CNTNAP5: variants seen among roughly 807,000 people sequenced by gnomAD.
The protein encoded by CNTNAP5 is contactin-associated protein-like 5.
In CNTNAP5, 72 loss-of-function variants were observed where a neutral mutation model predicts 150.2. The ratio of observed to expected loss-of-function variants is 0.48; its 90% CI spans 0.40 to 0.58. CNTNAP5 has a LOEUF of 0.58. Among genes scored for constraint, CNTNAP5 ranks in the 20% least tolerant of loss-of-function variants. The pLI, the probability that CNTNAP5 is intolerant of heterozygous loss-of-function variation, is 0.00. For missense variants in CNTNAP5, 1,636 were observed against 1,626.2 expected (o/e 1.01, Z -0.10); for synonymous variants, 672 against 619.8 (o/e 1.08, Z -1.25).
intron 10 of CNTNAP5, among the ~76,000 whole-genome samples, chr2:124,540,901 A>G (rs188338963): frequency 6.6e-6 from 1 of 152,152 alleles, no homozygotes; most frequent in Non-Finnish European, 1.5e-5. Context: ...ACATAAATAG[A>G]GCACCAGGAG....
chr2:124,833,068 C>G (rs1430763474), intron 19 of CNTNAP5, among the ~76,000 whole-genome samples: 1 of 151,846 alleles, frequency 6.6e-6, no homozygotes, highest in Non-Finnish European at 1.5e-5. Context: ...CACCACCACT[C>G]CCAGCTAATT....
At chr2:124,206,709 T>C (rs576484465) in intron 1 of CNTNAP5, among the ~76,000 whole-genome samples, 2 of 152,314 alleles carry the variant, frequency 1.3e-5, no homozygotes, top group East Asian at 1.9e-4. Flanking sequence ...AATTATAATC[T>C]ACATTTTTGT....
Position 124,920,287 on chromosome 2 carries a change from A to G in CNTNAP5, c.*5999A>G, listed in dbSNP as rs1002473880. Among the ~76,000 whole-genome samples, 1 of 152,134 alleles carries G rather than the reference A, an allele frequency of 6.6e-6. No individual in the cohort carries two copies. Among genetic ancestry groups the G allele is most frequent in the African/African-American group, 2.4e-5 (1 of 41,446 alleles). On this transcript the variant is annotated 3_prime_UTR_variant, in exon 24 of 24. Coordinates refer to ENST00000682447, the MANE Select transcript of CNTNAP5 (RefSeq NM_001367498.1). The stretch of plus-strand genomic sequence containing the variant: ...ACAAAGTGCTGGATATGAAACAGGA[A>G]TAATGCATTCCTCTACAGACTCTTT...
intron 2 of CNTNAP5, among the ~76,000 whole-genome samples, chr2:124,235,731 C>T (rs926863154): frequency 6.6e-6 from 1 of 152,142 alleles, no homozygotes; most frequent in Admixed American, 6.5e-5. Flanking sequence ...GAATCACTCT[C>T]CCTAGACATT....
chr2:124,035,482 G>A (rs947977995), intron 1 of CNTNAP5, among the ~76,000 whole-genome samples: 1 of 151,370 alleles, frequency 6.6e-6, no homozygotes, highest in African/African-American at 2.4e-5. Flanking sequence ...TTTACTAAAT[G>A]TCTTGTTTTT....
intron 12 of CNTNAP5, among the ~76,000 whole-genome samples, chr2:124,628,907 A>G (rs1425932957): frequency 6.6e-6 from 1 of 152,200 alleles, no homozygotes; most frequent in Non-Finnish European, 1.5e-5. Flanking sequence ...AAGCAGGAGT[A>G]GCAATCCTAG....
intron 1 of CNTNAP5, among the ~76,000 whole-genome samples, chr2:124,201,818 A>G (rs17319771): frequency 0.076 from 11,595 of 152,312 alleles, 613 homozygotes; most frequent in Non-Finnish European, 0.12. Context: ...TCAAAAGTCT[A>G]TGATACAAGC....
chr2:124,711,484 T>C (rs901475179), intron 13 of CNTNAP5, among the ~76,000 whole-genome samples: 4 of 152,070 alleles, frequency 2.6e-5, no homozygotes, highest in African/African-American at 9.7e-5. Flanking sequence ...CTTCTTATTT[T>C]GTACTAAATG....
chr2:124,098,167 T>C (rs934840428), intron 1 of CNTNAP5, among the ~76,000 whole-genome samples: 10 of 152,258 alleles, frequency 6.6e-5, no homozygotes, highest in Non-Finnish European at 4.4e-5. Flanking sequence ...TTGTGTTATA[T>C]GTATTATTTG....
intron 13 of CNTNAP5, among the ~76,000 whole-genome samples, chr2:124,696,708 T>C (rs1679412989): frequency 6.6e-6 from 1 of 152,188 alleles, no homozygotes; most frequent in African/African-American, 2.4e-5. Context: ...TTGAAGCATC[T>C]AAGGTGAGCG....
intron 7 of CNTNAP5, among the ~76,000 whole-genome samples, chr2:124,503,489 C>G (rs4848242): frequency 0.21 from 31,197 of 152,156 alleles, 3,553 homozygotes; most frequent in East Asian, 0.33. Context: ...AATCTTCTTA[C>G]TCTTCTTTTG....
At chr2:124,423,514 T>C (rs1007797233) in intron 4 of CNTNAP5, among the ~76,000 whole-genome samples, 4 of 152,070 alleles carry the variant, frequency 2.6e-5, no homozygotes, top group African/African-American at 9.7e-5. Context: ...TTAACTTTAT[T>C]TATTTATTTA....
chr2:124,272,973 C>T (rs1687797715), intron 3 of CNTNAP5, among the ~76,000 whole-genome samples: 1 of 152,140 alleles, frequency 6.6e-6, no homozygotes, highest in Non-Finnish European at 1.5e-5. Context: ...CTGCTTAGTT[C>T]TTGACCCTCT....
At chr2:124,161,427 A>G (rs912043143) in intron 1 of CNTNAP5, among the ~76,000 whole-genome samples, 2 of 152,262 alleles carry the variant, frequency 1.3e-5, no homozygotes, top group South Asian at 2.1e-4. Context: ...AGAGAAGAGA[A>G]GTTGGTAGCC....
chr2:124,294,986 C>T (rs1353596905), intron 3 of CNTNAP5, among the ~76,000 whole-genome samples: 2 of 151,996 alleles, frequency 1.3e-5, no homozygotes, highest in African/African-American at 4.8e-5. Context: ...GGATTACAGG[C>T]ACCCAGCTAC....
intron 13 of CNTNAP5, among the ~76,000 whole-genome samples, chr2:124,737,151 C>T (rs944662526): frequency 2.0e-4 from 30 of 151,838 alleles, no homozygotes; most frequent in Non-Finnish European, 3.2e-4. Flanking sequence ...ATTAGCCAGA[C>T]GTGATTGTAT....
At chr2:124,240,696 C>G (rs1686863721) in intron 2 of CNTNAP5, among the ~76,000 whole-genome samples, 2 of 151,646 alleles carry the variant, frequency 1.3e-5, no homozygotes. Context: ...TTTTCTCAAA[C>G]AAAATCTGCT....
intron 10 of CNTNAP5, among the ~76,000 whole-genome samples, chr2:124,532,844 A>C (rs918971450): frequency 5.3e-5 from 8 of 152,172 alleles, no homozygotes; most frequent in Admixed American, 4.6e-4. Flanking sequence ...GTTCAATTGC[A>C]TGACTGGAAT....
At chr2:124,131,557 G>C (rs186123876) in intron 1 of CNTNAP5, among the ~76,000 whole-genome samples, 24 of 152,288 alleles carry the variant, frequency 1.6e-4, no homozygotes, top group Admixed American at 1.5e-3. Context: ...ATGATGTGCT[G>C]ATAGGTGACT....
Sources: gnomAD v4.1 joint callset for allele counts (sites outside exome capture counted in the v4.1 genomes callset) on GRCh38, gnomAD v4.1.1 for gene constraint, MANE v1.5 for transcripts, NCBI Gene and HGNC (gene_info 2026-07-23, HGNC 2026-07-21) for gene names.